Variants in IKBKE observed in about 807,000 individuals in gnomAD.
The protein encoded by IKBKE is inhibitor of nuclear factor kappa B kinase subunit epsilon.
IKBKE carries 45 observed loss-of-function variants against 92.1 expected under a neutral mutation model. That is an observed-to-expected ratio of 0.49 (90% CI 0.38 to 0.63). The LOEUF (loss-of-function observed/expected upper bound fraction) is 0.63. IKBKE is among the 20% of genes least tolerant of loss of function. IKBKE has a pLI of 0.00. For synonymous variants in IKBKE, 374 were observed against 380.3 expected (o/e 0.98, Z 0.19); for missense variants, 700 against 932.8 (o/e 0.75, Z 3.25).
intron 15 of IKBKE, among the ~76,000 whole-genome samples, chr1:206,486,259 G>A (rs1665653166): frequency 1.3e-5 from 2 of 152,376 alleles, no homozygotes; most frequent in South Asian, 2.1e-4. Flanking sequence ...ATCAGAAGAC[G>A]ATTCTCAATT....
rs1665887047 is a variant in IKBKE, at chr1:206,490,384, G to A, written c.1694-435G>A. ...GCGGGGAGGTAGAAGGTGGTGGCCT[G>A]ATTTCTCCAGCTCGTTGCAGGTAGC... On this transcript the variant is annotated intron_variant, in intron 16 of 21. Coordinates refer to ENST00000581977, the MANE Select transcript of IKBKE (RefSeq NM_014002.4). The surrounding 1 kb of genome is among the most constrained non-coding windows in gnomAD (Gnocchi z 5.2). 6.6e-6 allele frequency among the ~76,000 whole-genome samples: 1 copy of A among 152,192 alleles called. No individual in the cohort carries two copies. The highest frequency in any genetic ancestry group is 1.5e-5 in the Non-Finnish European group (1 of 68,036).
Position 206,487,541 on chromosome 1 carries a change from C to A in IKBKE, c.1617-373C>A, listed in dbSNP as rs975299996. On this transcript the variant is annotated intron_variant, in intron 15 of 21. Transcript: ENST00000581977. The surrounding 1 kb of genome is among the most constrained non-coding windows in gnomAD (Gnocchi z 5.3). ...TCTATCCCCAGCTGTCACTGCCAGA[C>A]ACGCTCTTAGGTTTCAGGGGCCTAG... 5.9e-5 allele frequency among the ~76,000 whole-genome samples: 9 copies of A among 152,308 alleles called. No homozygotes were observed. The East Asian group carries it at 1.5e-3, about 26-fold the overall frequency.
chr1:206,473,786 A>G (rs1451983492), intron 3 of IKBKE, among the ~76,000 whole-genome samples: 1 of 151,804 alleles, frequency 6.6e-6, no homozygotes, highest in Non-Finnish European at 1.5e-5. Context: ...AGATGGTGAA[A>G]CCCTGTCTCT....
chr1:206,483,041 G>T (rs1453784928), intron 13 of IKBKE, among the ~76,000 whole-genome samples: 1 of 152,214 alleles, frequency 6.6e-6, no homozygotes, highest in African/African-American at 2.4e-5. Context: ...AAGCTCCCTG[G>T]CCCTCCTGGG....
chr1:206,485,331 G>C lies in IKBKE; in HGVS notation c.1616+25G>C. 1 of 1,454,122 alleles carries C rather than the reference G, an allele frequency of 6.9e-7. No individual in the cohort carries two copies. The highest frequency in any genetic ancestry group is 9.7e-7 in the Non-Finnish European group (1 of 1,034,532). The allele number at this position is 1,454,122 out of a possible 1,614,324, so 90.1% of individuals were successfully genotyped here. ...GGTCTGTGGGATTTTCCTTCTTTGT[G>C]GGGTGGGAGTGGGGGAGTGGGCAGC... On this transcript the variant is annotated intron_variant, in intron 15 of 21. Coordinates refer to ENST00000581977, the MANE Select transcript of IKBKE (RefSeq NM_014002.4). The surrounding 1 kb of genome is among the most constrained non-coding windows in gnomAD (Gnocchi z 5.0).
intron 3 of IKBKE, among the ~76,000 whole-genome samples, chr1:206,474,074 A>G (rs1324425449): frequency 6.6e-6 from 1 of 151,944 alleles, no homozygotes; most frequent in Non-Finnish European, 1.5e-5. Flanking sequence ...GTCAATAGCA[A>G]TTGTAATAAT....
rs1553385513 is a variant in IKBKE, at chr1:206,476,876, G to A, written c.701+38G>A. ...ACAGGGCAGGGAATGGGGCGGACTGGCAGTCCCCTGGCCCTTCCCCCACCG... is the reference window on the plus strand; with the variant it reads ...ACAGGGCAGGGAATGGGGCGGACTGACAGTCCCCTGGCCCTTCCCCCACCG... On this transcript the variant is annotated intron_variant, in intron 7 of 21. Coordinates refer to ENST00000581977, the MANE Select transcript of IKBKE (RefSeq NM_014002.4). The surrounding 1 kb of genome is among the most constrained non-coding windows in gnomAD (Gnocchi z 5.1). 6.2e-7 allele frequency: 1 copy of A among 1,609,542 alleles called. No homozygotes were observed. The highest frequency in any genetic ancestry group is 8.5e-7 in the Non-Finnish European group (1 of 1,176,388).
At chr1:206,474,208 T>C in intron 3 of IKBKE, 123 bp from the exon 4 acceptor site, 1 of 896,846 alleles carries the variant, frequency 1.1e-6, no homozygotes, top group Admixed American at 2.3e-5. Flanking sequence ...ACCAGGCTAA[T>C]CTCTGGGGTT....
intron 17 of IKBKE, chr1:206,491,412 C>A (rs1553390312): frequency 2.2e-6 from 1 of 458,672 alleles, no homozygotes. Flanking sequence ...CCTGAGGACC[C>A]CCTGTGTGTC....
At position 206,490,916 on chromosome 1, in the gene IKBKE, G is replaced by C. The variant is rs186615506; in HGVS notation, c.1733+58G>C. 7.6e-5 allele frequency: 115 copies of C among 1,504,286 alleles called. No individual in the cohort carries two copies. Among genetic ancestry groups the C allele is most frequent in the Non-Finnish European group, 9.4e-5 (102 of 1,081,060 alleles). 93.2% of individuals were successfully genotyped at this position (1,504,286 alleles called of 1,614,324 possible). A position where few individuals can be genotyped will look rare whatever the true frequency, so the allele number is the denominator to read the frequency against. ...CAGGAGGGTGGGTGTCCTCAGGGCAGAGCGATTCTCAACGCCAGAGGAGAG... is the reference window on the plus strand; with the variant it reads ...CAGGAGGGTGGGTGTCCTCAGGGCACAGCGATTCTCAACGCCAGAGGAGAG... On this transcript the variant is annotated intron_variant, in intron 17 of 21. Coordinates refer to ENST00000581977, the MANE Select transcript of IKBKE (RefSeq NM_014002.4). This position sits in a 1 kb window ranked among gnomAD's most constrained non-coding sequence, Gnocchi z 5.2.
Position 206,490,773 on chromosome 1 carries a change from G to A in IKBKE, c.1694-46G>A, listed in dbSNP as rs781891165. On this transcript the variant is annotated intron_variant, in intron 16 of 21. Transcript: ENST00000581977. This position sits in a 1 kb window ranked among gnomAD's most constrained non-coding sequence, Gnocchi z 5.2. ...CTCGACCTTTGCTGCACACTGTTTC[G>A]TTGACTGATTGAATAGGTGACATCT... 1.1e-5 allele frequency: 17 copies of A among 1,598,422 alleles called. No homozygotes were observed. In the East Asian group the frequency reaches 2.7e-4, roughly 25 times the overall value.
intron 3 of IKBKE, 98 bp downstream of exon 3, chr1:206,473,412 G>A (rs558397977): frequency 4.4e-5 from 36 of 824,562 alleles, no homozygotes; most frequent in Non-Finnish European, 6.7e-5. Flanking sequence ...ATTGAGGGTG[G>A]TGGGACAGGG....
chr1:206,482,196 A>G (rs1553387327), intron 13 of IKBKE, among the ~76,000 whole-genome samples: 1 of 152,174 alleles, frequency 6.6e-6, no homozygotes, highest in African/African-American at 2.4e-5. Flanking sequence ...GGGGAGGCTT[A>G]CTGAAGCCAC....
In IKBKE at chr1:206,485,303, GA is replaced by G. The variant is rs782451184; in HGVS notation, c.1615del (p.Ser539AlafsTer12). 9 of 1,597,002 alleles carry G rather than the reference GA, an allele frequency of 5.6e-6. No homozygotes were observed. Among genetic ancestry groups the G allele is most frequent in the Non-Finnish European group, 7.7e-6 (9 of 1,164,300 alleles). On this transcript the variant is annotated frameshift_variant and splice_region_variant, in exon 15 of 22. Coordinates refer to ENST00000581977, the MANE Select transcript of IKBKE (RefSeq NM_014002.4). LOFTEE classifies it high-confidence loss of function. This position sits in a 1 kb window ranked among gnomAD's most constrained non-coding sequence, Gnocchi z 5.0. Reference protein sequence around the residue: ...VKSRDQVHEDRSIQQIQCCLD... With the variant: ...VKSRDQVHEDXSIQQIQCCLD... ...AGCCGGGATCAGGTACATGAGGACA[GA>G]AGGTCTGTGGGATTTTCCTTCTTTG... is the stretch of plus-strand genomic sequence containing the variant.
Position 206,487,791 on chromosome 1 carries a change from T to A in IKBKE, c.1617-123T>A, listed in dbSNP as rs557414701. ...GGGACAGCCACCTCCACTCCCAGAC[T>A]GATCCCCCAAAACTGTGGCTGTGAG... On this transcript the variant is annotated intron_variant, in intron 15 of 21. Coordinates refer to ENST00000581977, the MANE Select transcript of IKBKE (RefSeq NM_014002.4). The surrounding 1 kb of genome is among the most constrained non-coding windows in gnomAD (Gnocchi z 5.3). 2.1e-5 allele frequency: 15 copies of A among 723,412 alleles called. No individual in the cohort carries two copies. In the East Asian group the frequency reaches 3.0e-4, roughly 15 times the overall value. The allele number at this position is 723,412 out of a possible 1,614,324, so 44.8% of individuals were successfully genotyped here. A position where few individuals can be genotyped will look rare whatever the true frequency, so the allele number is the denominator to read the frequency against.
At chr1:206,491,060 T>G (rs1665926949) in intron 17 of IKBKE, 2 of 619,740 alleles carry the variant, frequency 3.2e-6, no homozygotes, top group South Asian at 3.7e-5. Context: ...GATGCAATCT[T>G]GAAGTAACTG....
chr1:206,484,899 C>A, intron 13 of IKBKE, 98 bp from the exon 14 acceptor site: 1 of 975,900 alleles, frequency 1.0e-6, no homozygotes, highest in Non-Finnish European at 1.6e-6. Flanking sequence ...GGCTGTCCCA[C>A]AGATGCTATG....
At chr1:206,481,221 C>G (rs113419720) in intron 13 of IKBKE, among the ~76,000 whole-genome samples, 1 of 152,186 alleles carries the variant, frequency 6.6e-6, no homozygotes, top group Non-Finnish European at 1.5e-5. Context: ...GGCCATGGTA[C>G]GGGTGAGGGT....
intron 13 of IKBKE, among the ~76,000 whole-genome samples, chr1:206,483,892 T>G (rs1665520797): frequency 1.3e-5 from 2 of 152,206 alleles, no homozygotes; most frequent in Admixed American, 6.5e-5. Context: ...TGTCTTGTCC[T>G]TCTTTCTCAG....
Sources: allele counts gnomAD v4.1 joint callset (sites outside exome capture counted in the v4.1 genomes callset), GRCh38; gene constraint gnomAD v4.1.1; non-coding constraint Gnocchi (gnomAD v3.1); transcripts MANE v1.5; gene names NCBI Gene and HGNC (gene_info 2026-07-23, HGNC 2026-07-21).